Variants in IGF1R observed in about 807,000 individuals in gnomAD.
The protein encoded by IGF1R is insulin like growth factor 1 receptor.
A neutral mutation model predicts 144.6 loss-of-function variants in IGF1R; 44 were observed. The observed-to-expected ratio is 0.30, with a 90% CI of 0.24 to 0.39. The LOEUF (loss-of-function observed/expected upper bound fraction) is 0.39. Among genes scored for constraint, IGF1R ranks in the 10% least tolerant of loss-of-function variants. IGF1R has a pLI of 1.00. For synonymous variants in IGF1R, 795 were observed against 722.8 expected, an observed-to-expected ratio of 1.10 and a Z score of -1.60; for missense variants, 1,355 against 1,833.7, an observed-to-expected ratio of 0.74 and a Z score of 4.77.
chr15:98,869,315 C>CAAAAA (rs60270987), intron 2 of IGF1R, among the ~76,000 whole-genome samples: 19 of 149,892 alleles, frequency 1.3e-4, no homozygotes, highest in African/African-American at 4.7e-4. Flanking sequence ...ACAACAACAA[C>CAAAAA]AAAAAAAAAC....
intron 2 of IGF1R, among the ~76,000 whole-genome samples, chr15:98,756,250 T>G (rs1166757849): frequency 6.2e-5 from 1 of 16,202 alleles, no homozygotes. Flanking sequence ...AAATAACCTG[T>G]TTTTTTTTTT....
intron 2 of IGF1R, among the ~76,000 whole-genome samples, chr15:98,746,486 ACCTTGTACACTGTCAGGGCG>A: frequency 6.6e-6 from 1 of 152,242 alleles, no homozygotes; most frequent in Middle Eastern, 3.4e-3. Flanking sequence ...AACTTAGCAC[ACCTTGTACACTGTCAGGGCG>A]CCTCTCAGAT....
chr15:98,799,600 C>T lies in IGF1R; in HGVS notation c.640+91493C>T, dbSNP rs530348034. Among the ~76,000 whole-genome samples, 7 of 152,242 alleles carry T rather than the reference C, an allele frequency of 4.6e-5. No individual in the cohort carries two copies. In the East Asian group the frequency reaches 5.8e-4, roughly 13 times the overall value. ...TCTCCAGCTTGTTTTCTTGTTTCCT[C>T]GGCTGTCAGTCCACAGGCAGAGGTG... On this transcript the variant is annotated intron_variant, in intron 2 of 20. Coordinates refer to ENST00000650285, the MANE Select transcript of IGF1R (RefSeq NM_000875.5).
intron 2 of IGF1R, among the ~76,000 whole-genome samples, chr15:98,713,850 A>T (rs1009009426): frequency 2.0e-5 from 3 of 152,198 alleles, no homozygotes; most frequent in African/African-American, 7.2e-5. Flanking sequence ...TGGGATGAAC[A>T]GCCTGTGGTC....
intron 2 of IGF1R, among the ~76,000 whole-genome samples, chr15:98,793,542 G>C (rs965452144): frequency 6.6e-6 from 1 of 152,178 alleles, no homozygotes; most frequent in Non-Finnish European, 1.5e-5. Flanking sequence ...CGATATCCCA[G>C]TGCTTCTCTA....
chr15:98,716,652 A>G (rs1596227014), intron 2 of IGF1R, among the ~76,000 whole-genome samples: 1 of 152,280 alleles, frequency 6.6e-6, no homozygotes, highest in Non-Finnish European at 1.5e-5. Flanking sequence ...TAAACGTTTG[A>G]ACTGCATTGC....
intron 1 of IGF1R, among the ~76,000 whole-genome samples, chr15:98,686,610 G>A (rs775088006): frequency 6.6e-6 from 1 of 151,436 alleles, no homozygotes; most frequent in Non-Finnish European, 1.5e-5. Context: ...ATGTGAGGTG[G>A]TATCTCATTA....
chr15:98,822,046 G>A (rs2056813366), intron 2 of IGF1R, among the ~76,000 whole-genome samples: 1 of 152,192 alleles, frequency 6.6e-6, no homozygotes, highest in African/African-American at 2.4e-5. Flanking sequence ...TAATTGACTG[G>A]TGAGTCTAGG....
At chr15:98,874,518 G>C (rs1020567954) in intron 2 of IGF1R, among the ~76,000 whole-genome samples, 1 of 152,224 alleles carries the variant, frequency 6.6e-6, no homozygotes, top group Non-Finnish European at 1.5e-5. Context: ...TTTCGGTGAA[G>C]TAGGGGAGCT....
intron 2 of IGF1R, among the ~76,000 whole-genome samples, chr15:98,813,939 C>A (rs998743102): frequency 2.0e-5 from 3 of 152,190 alleles, no homozygotes; most frequent in African/African-American, 7.2e-5. Flanking sequence ...TGACTGTCAA[C>A]AACAATAGCT....
chr15:98,838,707 T>G (rs1017751730), intron 2 of IGF1R, among the ~76,000 whole-genome samples: 2 of 152,176 alleles, frequency 1.3e-5, no homozygotes, highest in Non-Finnish European at 2.9e-5. Flanking sequence ...AGAGCATCCC[T>G]TTAGAGCCTC....
intron 2 of IGF1R, among the ~76,000 whole-genome samples, chr15:98,854,852 G>A (rs1413525335): frequency 1.3e-5 from 2 of 152,068 alleles, no homozygotes; most frequent in Non-Finnish European, 2.9e-5. Context: ...GCATGAGGCA[G>A]TACGAGTACC....
chr15:98,924,454 G>T, intron 12 of IGF1R, 71 bp from the exon 13 acceptor site: 2 of 1,456,630 alleles, frequency 1.4e-6, no homozygotes, highest in South Asian at 2.3e-5. Context: ...CCAGTGTGGT[G>T]AGTTTAGTTG....
intron 1 of IGF1R, among the ~76,000 whole-genome samples, chr15:98,701,341 T>C (rs964780997): frequency 1.9e-5 from 2 of 105,094 alleles, no homozygotes; most frequent in African/African-American, 6.8e-5. Flanking sequence ...TTTTTTTTTT[T>C]TTTTTTTTTT....
In IGF1R at chr15:98,752,506, C is replaced by T. The variant is rs569571005; in HGVS notation, c.640+44399C>T. ...AGACCATCCTAACGCGGTGAAACCC[C>T]GTCTCTACTAAAAATACAAAAAAAA... is the stretch of plus-strand genomic sequence containing the variant. On this transcript the variant is annotated intron_variant, in intron 2 of 20. Transcript: ENST00000650285. 5.1e-3 allele frequency among the ~76,000 whole-genome samples: 773 copies of T among 152,080 alleles called. 9 individuals carry two copies. Among genetic ancestry groups the T allele is most frequent in the African/African-American group, 0.017 (710 of 41,470 alleles).
At chr15:98,844,616 T>TTGTGTGTGTG (rs148102776) in intron 2 of IGF1R, among the ~76,000 whole-genome samples, 2 of 149,452 alleles carry the variant, frequency 1.3e-5, no homozygotes, top group African/African-American at 4.9e-5. Flanking sequence ...TTAACTATAT[T>TTGTGTGTGTG]TGTGTGTGTG....
chr15:98,876,335 A>T (rs1053782641), intron 2 of IGF1R, among the ~76,000 whole-genome samples: 19 of 149,726 alleles, frequency 1.3e-4, no homozygotes, highest in African/African-American at 4.7e-4. Context: ...AAAGAGAGAG[A>T]GAGTCTTGAA....
chr15:98,894,775 A>G (rs911869584), intron 3 of IGF1R, among the ~76,000 whole-genome samples: 1 of 152,158 alleles, frequency 6.6e-6, no homozygotes, highest in Non-Finnish European at 1.5e-5. Context: ...ACAGTGGCTC[A>G]TACCTATCTC....
At chr15:98,657,710 T>C (rs1299981887) in intron 1 of IGF1R, among the ~76,000 whole-genome samples, 1 of 152,252 alleles carries the variant, frequency 6.6e-6, no homozygotes, top group Non-Finnish European at 1.5e-5. Flanking sequence ...TGGTAGCCTT[T>C]CTTCGTCAGG....
Sources: allele counts gnomAD v4.1 joint callset (sites outside exome capture counted in the v4.1 genomes callset), GRCh38; gene constraint gnomAD v4.1.1; transcripts MANE v1.5; gene names NCBI Gene and HGNC (gene_info 2026-07-23, HGNC 2026-07-21).